NFAT5: variants seen among roughly 807,000 people sequenced by gnomAD.
The protein encoded by NFAT5 is nuclear factor of activated T cells 5.
In NFAT5, 31 loss-of-function variants were observed where a neutral mutation model predicts 166.5. The observed-to-expected ratio is 0.19, with a 90% CI of 0.14 to 0.25. The LOEUF is 0.25. NFAT5 is among the 10% of genes least tolerant of loss of function. NFAT5 has a pLI of 1.00. For missense variants in NFAT5, 1,449 were observed against 1,821.8 expected (o/e 0.80, Z 3.72); for synonymous variants, 612 against 639.7 (o/e 0.96, Z 0.65).
chr16:69,581,017 C>T (rs928279069), intron 2 of NFAT5, among the ~76,000 whole-genome samples: 5 of 152,120 alleles, frequency 3.3e-5, no homozygotes, highest in Non-Finnish European at 7.4e-5. Flanking sequence ...AGAAAAAATT[C>T]GGTTAACAAA....
intron 2 of NFAT5, among the ~76,000 whole-genome samples, chr16:69,624,495 G>A (rs916518799): frequency 2.0e-5 from 3 of 152,094 alleles, no homozygotes; most frequent in East Asian, 1.9e-4. Flanking sequence ...GTGAGCCACC[G>A]CGCCTGGCCC....
chr16:69,651,395 A>G (rs968127781), intron 4 of NFAT5, among the ~76,000 whole-genome samples: 4 of 152,056 alleles, frequency 2.6e-5, no homozygotes, highest in Admixed American at 6.6e-5. Context: ...CCTACTCCCC[A>G]TTTCCATTGA....
intron 6 of NFAT5, among the ~76,000 whole-genome samples, chr16:69,657,570 C>CTGT (rs2035935991): frequency 6.7e-6 from 1 of 148,300 alleles, no homozygotes; most frequent in South Asian, 2.1e-4. Context: ...ACCAGCCTGG[C>CTGT]CAAGATGGAG....
intron 9 of NFAT5, among the ~76,000 whole-genome samples, chr16:69,674,024 C>A (rs892680705): frequency 6.6e-6 from 1 of 151,974 alleles, no homozygotes; most frequent in African/African-American, 2.4e-5. Flanking sequence ...AGGTGAATCA[C>A]CTGAGGTCAG....
intron 3 of NFAT5, among the ~76,000 whole-genome samples, chr16:69,629,345 T>G (rs2034603800): frequency 6.6e-6 from 1 of 152,188 alleles, no homozygotes; most frequent in Non-Finnish European, 1.5e-5. Flanking sequence ...CAATTTAGAT[T>G]TTTTTCCTCT....
chr16:69,599,067 T>C (rs1461725808), intron 2 of NFAT5, among the ~76,000 whole-genome samples: 1 of 146,466 alleles, frequency 6.8e-6, no homozygotes, highest in Non-Finnish European at 1.5e-5. Flanking sequence ...GACAAGTCCA[T>C]AGAAACAGAA....
In NFAT5 at chr16:69,697,722, AC is replaced by A. The variant is rs2037805635; in HGVS notation, c.*1374del. The stretch of plus-strand genomic sequence containing the variant: ...TTATACAGTTTTGGGTGTTCTTGCC[AC>A]CCGTGGGATGCCTGCTTCTCACTAC... On this transcript the variant is annotated 3_prime_UTR_variant, in exon 15 of 15. Transcript: ENST00000349945. 1 of 152,602 alleles carries A rather than the reference AC, an allele frequency of 6.6e-6. No homozygotes were observed. The highest frequency in any genetic ancestry group is 2.4e-5 in the African/African-American group (1 of 41,450). The allele number at this position is 152,602 out of a possible 1,614,324, so 9.5% of individuals were successfully genotyped here.
chr16:69,616,782 T>C (rs1462432756), intron 2 of NFAT5, among the ~76,000 whole-genome samples: 1 of 151,442 alleles, frequency 6.6e-6, no homozygotes, highest in African/African-American at 2.4e-5. Context: ...GCCCCTCTCA[T>C]CCACTCATTT....
intron 7 of NFAT5, 97 bp from the exon 8 acceptor site, chr16:69,669,880 T>C: frequency 9.3e-7 from 1 of 1,080,662 alleles, no homozygotes; most frequent in Non-Finnish European, 1.3e-6. Flanking sequence ...CCTCCTTCAA[T>C]AAAGACAACT....
intron 2 of NFAT5, among the ~76,000 whole-genome samples, chr16:69,607,268 C>T (rs1265479695): frequency 6.6e-6 from 1 of 152,132 alleles, no homozygotes; most frequent in African/African-American, 2.4e-5. Context: ...ATGCTGCCTA[C>T]CTCTTATTTA....
chr16:69,653,117 C>A, intron 4 of NFAT5, 119 bp from the exon 5 acceptor site: 1 of 595,532 alleles, frequency 1.7e-6, no homozygotes, highest in Non-Finnish European at 2.8e-6. Context: ...TGCCAGCAAG[C>A]TGAATAGTTG....
At chr16:69,666,757 A>G (rs2151663318) in intron 7 of NFAT5, among the ~76,000 whole-genome samples, 1 of 152,006 alleles carries the variant, frequency 6.6e-6, no homozygotes, top group East Asian at 1.9e-4. Flanking sequence ...TGTGGAAGTC[A>G]GTGTGGCGAT....
At chr16:69,571,446 T>C (rs12599391) in intron 2 of NFAT5, among the ~76,000 whole-genome samples, 52,576 of 151,998 alleles carry the variant, frequency 0.35, 9,784 homozygotes, top group Non-Finnish European at 0.42. Flanking sequence ...AGCTAGTAAA[T>C]TGTAGAACCA....
chr16:69,647,394 G>C lies in NFAT5; in HGVS notation c.620G>C (p.Ser207Thr). ...TCCAACTTCAGTAACATGAGCACCA[G>C]TTCCTACAATGATAACACTGAGGTA... Reference protein sequence around the residue: ...SPSNFSNMSTSSYNDNTEVPR... With the variant: ...SPSNFSNMSTTSYNDNTEVPR... Residue 207 changes from serine to threonine, a missense_variant, in exon 4 of 15, where the codon AGT (serine) becomes ACT (threonine). Coordinates refer to ENST00000349945, the MANE Select transcript of NFAT5 (RefSeq NM_138713.4). The surrounding 1 kb of genome is among the most constrained non-coding windows in gnomAD (Gnocchi z 4.8). 1 of 1,614,140 alleles carries C rather than the reference G, an allele frequency of 6.2e-7. No homozygotes were observed. The highest frequency in any genetic ancestry group is 8.5e-7 in the Non-Finnish European group (1 of 1,180,020).
chr16:69,568,356 G>GTA, intron 1 of NFAT5, 139 bp from the exon 2 acceptor site: 1 of 340,270 alleles, frequency 2.9e-6, no homozygotes, highest in South Asian at 3.6e-5. Flanking sequence ...ATGTGTGTGT[G>GTA]TGTGTGTGTG....
chr16:69,629,940 A>AT (rs536349270), intron 3 of NFAT5, among the ~76,000 whole-genome samples: 1,450 of 138,956 alleles, frequency 0.01, 23 homozygotes, highest in African/African-American at 0.026. Flanking sequence ...GACCTGGGTA[A>AT]TTTTTTTTTT....
At chr16:69,617,891 T>C (rs1282305518) in intron 2 of NFAT5, among the ~76,000 whole-genome samples, 1 of 152,138 alleles carries the variant, frequency 6.6e-6, no homozygotes, top group East Asian at 1.9e-4. Context: ...GCACGGTGGC[T>C]CATGCCTATA....
chr16:69,615,644 C>T (rs111754470), intron 2 of NFAT5, among the ~76,000 whole-genome samples: 2,831 of 152,244 alleles, frequency 0.019, 96 homozygotes, highest in African/African-American at 0.06. Flanking sequence ...CAGTACCTCC[C>T]GTTGCAATGC....
chr16:69,568,790 G>A (rs750048137), intron 2 of NFAT5, among the ~76,000 whole-genome samples: 53 of 151,980 alleles, frequency 3.5e-4, no homozygotes, highest in Admixed American at 4.6e-4. Context: ...TTTAAATTAT[G>A]TGTTGAGTGT....
Sources: gnomAD v4.1 joint callset for allele counts (sites outside exome capture counted in the v4.1 genomes callset) on GRCh38, gnomAD v4.1.1 for gene constraint, Gnocchi (gnomAD v3.1) non-coding constraint, MANE v1.5 for transcripts, NCBI Gene and HGNC (gene_info 2026-07-23, HGNC 2026-07-21) for gene names.